Variants in IL6R observed in about 807,000 individuals in gnomAD.
IL6R encodes interleukin 6 receptor, also known as interleukin-6 receptor subunit alpha.
In IL6R, 38 loss-of-function variants were observed where a neutral mutation model predicts 48.3. The ratio of observed to expected loss-of-function variants is 0.79; its 90% CI spans 0.61 to 1.03. The LOEUF is 1.03. Among genes scored for constraint, IL6R ranks in the 50% least tolerant of loss-of-function variants. IL6R has a pLI of 0.00. For synonymous variants in IL6R, 264 were observed against 256.2 expected, an observed-to-expected ratio of 1.03 and a Z score of -0.29; for missense variants, 534 against 618.3, an observed-to-expected ratio of 0.86 and a Z score of 1.45.
chr1:154,421,436 G>C (rs921386284), intron 1 of IL6R, among the ~76,000 whole-genome samples: 2 of 152,212 alleles, frequency 1.3e-5, no homozygotes, highest in Non-Finnish European at 2.9e-5. Context: ...CCTAACCCAG[G>C]CTCTTGGGTT....
intron 6 of IL6R, among the ~76,000 whole-genome samples, chr1:154,443,008 C>T (rs1301665539): frequency 6.6e-6 from 1 of 152,192 alleles, no homozygotes; most frequent in Non-Finnish European, 1.5e-5. Context: ...CTGCCTCAGC[C>T]TCCCAAAGCT....
chr1:154,465,103 G>T (rs767246925), intron 9 of IL6R, 31 bp from the exon 10 acceptor site: 1 of 1,612,882 alleles, frequency 6.2e-7, no homozygotes, highest in South Asian at 1.1e-5. Flanking sequence ...CTAAAAATCT[G>T]TGTGGTTTGT....
chr1:154,423,281 A>ATATATATATATATATATG (rs1688789339), intron 1 of IL6R, among the ~76,000 whole-genome samples: 2 of 141,878 alleles, frequency 1.4e-5, no homozygotes, highest in Non-Finnish European at 3.1e-5. Context: ...ATATATATAT[A>ATATATATATATATATATG]TATGTATTCA....
intron 5 of IL6R, 36 bp downstream of exon 5, chr1:154,435,192 C>A: frequency 2.5e-6 from 4 of 1,599,142 alleles, no homozygotes; most frequent in Non-Finnish European, 3.4e-6. Flanking sequence ...AGAGAGGCGC[C>A]CCTAGATGCT....
At chr1:154,436,718 G>A (rs1558316042) in intron 6 of IL6R, among the ~76,000 whole-genome samples, 2 of 152,228 alleles carry the variant, frequency 1.3e-5, no homozygotes, top group Non-Finnish European at 2.9e-5. Context: ...ACTCAGGGCA[G>A]GCGGGTGGGG....
chr1:154,468,235 G>A lies in IL6R; in HGVS notation c.*2855G>A, dbSNP rs767631680. On this transcript the variant is annotated 3_prime_UTR_variant, in exon 10 of 10. Transcript: ENST00000368485. ...TCTAATCTGTGGTGACTGAACATGT[G>A]TCTCAATGCACGGGGCATTTCTACC... is the stretch of plus-strand genomic sequence containing the variant. The A allele has an allele frequency of 1.3e-5, 2 of 152,194 alleles. No individual in the cohort carries two copies. Among genetic ancestry groups the A allele is most frequent in the Admixed American group, 6.5e-5 (1 of 15,274 alleles). The allele number at this position is 152,194 out of a possible 1,614,324, so 9.4% of individuals were successfully genotyped here. A position where few individuals can be genotyped will look rare whatever the true frequency, so the allele number is the denominator to read the frequency against.
intron 6 of IL6R, among the ~76,000 whole-genome samples, chr1:154,441,659 T>C (rs536869783): frequency 1.7e-4 from 26 of 152,240 alleles, no homozygotes; most frequent in Admixed American, 4.6e-4. Flanking sequence ...ACCACGGTTA[T>C]TTGGCTGTTA....
chr1:154,451,864 G>T (rs1014342626), intron 8 of IL6R, among the ~76,000 whole-genome samples: 3 of 152,068 alleles, frequency 2.0e-5, no homozygotes, highest in Non-Finnish European at 4.4e-5. Flanking sequence ...ATGTCTAAAA[G>T]AGAACACCTG....
At chr1:154,450,856 C>T (rs1228560485) in intron 8 of IL6R, among the ~76,000 whole-genome samples, 1 of 152,238 alleles carries the variant, frequency 6.6e-6, no homozygotes, top group East Asian at 1.9e-4. Context: ...GGATTCCTGC[C>T]TGCACTGATG....
intron 6 of IL6R, among the ~76,000 whole-genome samples, chr1:154,440,271 G>T (rs905766280): frequency 6.6e-6 from 1 of 152,166 alleles, no homozygotes; most frequent in East Asian, 1.9e-4. Flanking sequence ...ATTCCATTGT[G>T]TAGAGATACC....
chr1:154,424,485 GA>G (rs1688860461), intron 1 of IL6R, among the ~76,000 whole-genome samples: 1 of 152,196 alleles, frequency 6.6e-6, no homozygotes, highest in Non-Finnish European at 1.5e-5. Flanking sequence ...CTGAGGAAGG[GA>G]TATTGCAAGC....
intron 1 of IL6R, among the ~76,000 whole-genome samples, chr1:154,416,559 G>C (rs908077749): frequency 1.3e-5 from 2 of 152,182 alleles, no homozygotes; most frequent in African/African-American, 4.8e-5. Flanking sequence ...TGGGGCAGGA[G>C]AGCCCGACAT....
chr1:154,423,758 GT>G, intron 1 of IL6R, among the ~76,000 whole-genome samples: 1 of 152,300 alleles, frequency 6.6e-6, no homozygotes, highest in Middle Eastern at 3.4e-3. Flanking sequence ...TAGTGACTCA[GT>G]TTTAAAGATT....
intron 9 of IL6R, among the ~76,000 whole-genome samples, chr1:154,458,499 C>T (rs1047445128): frequency 1.3e-5 from 2 of 152,164 alleles, no homozygotes; most frequent in African/African-American, 4.8e-5. Flanking sequence ...TACGTTAGGG[C>T]TTCAACAGAC....
At chr1:154,451,788 G>A (rs987300512) in intron 8 of IL6R, among the ~76,000 whole-genome samples, 3 of 151,712 alleles carry the variant, frequency 2.0e-5, no homozygotes, top group African/African-American at 4.8e-5. Flanking sequence ...TGCCTGCCTC[G>A]GTCTCCCAAA....
chr1:154,425,083 A>G (rs1258377451), intron 1 of IL6R, among the ~76,000 whole-genome samples: 1 of 152,192 alleles, frequency 6.6e-6, no homozygotes, highest in African/African-American at 2.4e-5. Context: ...TCTATAATCT[A>G]TAGATAACAT....
chr1:154,453,830 T>C, intron 8 of IL6R, among the ~76,000 whole-genome samples: 1 of 151,972 alleles, frequency 6.6e-6, no homozygotes, highest in East Asian at 1.9e-4. Context: ...AAAGGCCAAG[T>C]AGGGACTAGA....
chr1:154,454,567 T>G lies in IL6R; in HGVS notation c.1146T>G (p.Ile382Met), dbSNP rs367961787. Residue 382 changes from isoleucine (I) to methionine (M), a missense_variant, in exon 9 of 10, where the codon ATT becomes ATG. Ile to Met is a conservative substitution (Grantham distance 10). Transcript: ENST00000368485. Reference protein sequence around the residue: ...GSLAFGTLLCIAIVLRFKKTW... With the variant: ...GSLAFGTLLCMAIVLRFKKTW... ...TGGCCTTCGGAACGCTCCTCTGCAT[T>G]GCCATTGTTCTGAGGTGAGATGGGT... The G allele has an allele frequency of 1.2e-6, 2 of 1,612,186 alleles. No individual in the cohort carries two copies. Among genetic ancestry groups the G allele is most frequent in the Non-Finnish European group, 1.7e-6 (2 of 1,178,208 alleles).
intron 9 of IL6R, among the ~76,000 whole-genome samples, chr1:154,455,876 A>G (rs1040567936): frequency 3.3e-5 from 5 of 151,984 alleles, no homozygotes; most frequent in Middle Eastern, 3.4e-3. Context: ...GGCCAAAATG[A>G]TAAAACCCTG....
Sources: allele counts gnomAD v4.1 joint callset (sites outside exome capture counted in the v4.1 genomes callset), GRCh38; gene constraint gnomAD v4.1.1; transcripts MANE v1.5; gene names NCBI Gene and HGNC (gene_info 2026-07-23, HGNC 2026-07-21).